The following CCDC149 variants were observed in gnomAD, a reference collection of about 807,000 sequenced individuals.
CCDC149 encodes the protein coiled-coil domain-containing protein 149.
In CCDC149, 45 loss-of-function variants were observed where a neutral mutation model predicts 59.9. That is an observed-to-expected ratio of 0.75 (90% CI 0.59 to 0.96). The LOEUF (loss-of-function observed/expected upper bound fraction) is 0.96, where lower values mean the gene tolerates loss of function less well. CCDC149 is among the 40% of genes least tolerant of loss of function. The pLI is 0.00. For synonymous variants in CCDC149, 245 were observed against 260.6 expected, an observed-to-expected ratio of 0.94 and a Z score of 0.58; for missense variants, 584 against 664.7, an observed-to-expected ratio of 0.88 and a Z score of 1.33.
At chr4:24,876,762 C>A in intron 1 of CCDC149, 65 bp from the exon 2 acceptor site, 1 of 1,465,506 alleles carries the variant, frequency 6.8e-7, no homozygotes, top group South Asian at 1.3e-5. Flanking sequence ...AAACACACAC[C>A]GTACTTCACA....
At chr4:24,833,738 T>A (rs1167479590) in intron 8 of CCDC149, among the ~76,000 whole-genome samples, 1 of 152,258 alleles carries the variant, frequency 6.6e-6, no homozygotes, top group Non-Finnish European at 1.5e-5. Context: ...TTATAAGTAA[T>A]GTATGAAGAA....
intron 1 of CCDC149, among the ~76,000 whole-genome samples, chr4:24,899,463 G>A (rs1448226303): frequency 6.6e-6 from 1 of 152,172 alleles, no homozygotes; most frequent in Non-Finnish European, 1.5e-5. Context: ...AAAAGAAGAG[G>A]AGAGTATCAG....
intron 4 of CCDC149, among the ~76,000 whole-genome samples, chr4:24,848,819 C>A (rs371892593): frequency 1.3e-5 from 2 of 152,184 alleles, no homozygotes; most frequent in Non-Finnish European, 2.9e-5. Flanking sequence ...TGCTGCCGCA[C>A]CTCAAACTAC....
At chr4:24,899,798 G>A (rs1015970195) in intron 1 of CCDC149, among the ~76,000 whole-genome samples, 1 of 152,044 alleles carries the variant, frequency 6.6e-6, no homozygotes, top group African/African-American at 2.4e-5. Context: ...TGCCATACTT[G>A]GGTACTTGGG....
intron 1 of CCDC149, among the ~76,000 whole-genome samples, chr4:24,956,197 G>C (rs1018064359): frequency 7.3e-6 from 1 of 136,962 alleles, no homozygotes; most frequent in Non-Finnish European, 1.6e-5. Flanking sequence ...CAAAGTTCTT[G>C]TGAGATGACA....
Position 24,808,450 on chromosome 4 carries a change from G to T in CCDC149, c.1562C>A (p.Thr521Lys). The T allele has an allele frequency of 1.4e-6, 2 of 1,465,506 alleles. No homozygotes were observed. Among genetic ancestry groups the T allele is most frequent in the Non-Finnish European group, 1.8e-6 (2 of 1,108,302 alleles). The allele number at this position is 1,465,506 out of a possible 1,614,324, so 90.8% of individuals were successfully genotyped here. Residue 521 changes from threonine (T) to lysine (K), a missense_variant, in exon 13 of 13, where the codon ACA becomes AAA. By Grantham distance (78) the Thr-to-Lys change is moderately conservative (BLOSUM62 -1). Coordinates refer to ENST00000635206, the MANE Select transcript of CCDC149 (RefSeq NM_001330643.2). The stretch of plus-strand genomic sequence containing the variant: ...TGGGATCCCTTTGCCGTCTTCCGGT[G>T]TGGAAGCTTTGGCTGCTGGCCGGCT...
At position 24,854,432 on chromosome 4, in the gene CCDC149, G is replaced by A. The variant is rs553240882; in HGVS notation, c.265-1253C>T. On this transcript the variant is annotated intron_variant, in intron 3 of 12. Transcript: ENST00000635206. ...GCTCATAATGAATAAATGAAGAAAG[G>A]AGGGAAGGAAGCAAGTAAGCAATCC... Among the ~76,000 whole-genome samples, 3 of 152,296 alleles carry A rather than the reference G, an allele frequency of 2.0e-5. No individual in the cohort carries two copies. The South Asian group carries it at 6.2e-4, about 32-fold the overall frequency.
intron 1 of CCDC149, among the ~76,000 whole-genome samples, chr4:24,965,749 A>G (rs1723776450): frequency 6.6e-6 from 1 of 152,230 alleles, no homozygotes; most frequent in Non-Finnish European, 1.5e-5. Context: ...AGGGCCAATT[A>G]ACTGAAAGTA....
intron 12 of CCDC149, 115 bp downstream of exon 12, chr4:24,819,744 C>A (rs1715242990): frequency 1.3e-6 from 1 of 790,198 alleles, no homozygotes; most frequent in East Asian, 2.7e-5. Flanking sequence ...AGGAATGTCC[C>A]AATGATGCCA....
intron 1 of CCDC149, among the ~76,000 whole-genome samples, chr4:24,906,124 A>T (rs1204733764): frequency 6.6e-6 from 1 of 152,192 alleles, no homozygotes; most frequent in Non-Finnish European, 1.5e-5. Flanking sequence ...CAAATGTCTT[A>T]CCTTATTTAA....
At chr4:24,844,674 G>T (rs1304640316) in intron 4 of CCDC149, among the ~76,000 whole-genome samples, 8 of 152,190 alleles carry the variant, frequency 5.3e-5, no homozygotes, top group Admixed American at 5.2e-4. Flanking sequence ...GCAGGAGGCT[G>T]AGGCAGTTGA....
intron 8 of CCDC149, among the ~76,000 whole-genome samples, chr4:24,833,472 A>G (rs1177612471): frequency 3.3e-5 from 5 of 152,134 alleles, no homozygotes; most frequent in Admixed American, 6.6e-5. Flanking sequence ...AACAACACAA[A>G]AATTAGCTGG....
chr4:24,854,969 G>A (rs150196975), intron 3 of CCDC149, among the ~76,000 whole-genome samples: 111 of 152,188 alleles, frequency 7.3e-4, no homozygotes, highest in South Asian at 1.2e-3. Context: ...AACCTTCCCC[G>A]GTGCTACCTT....
chr4:24,890,360 G>GA (rs147729127), intron 1 of CCDC149, among the ~76,000 whole-genome samples: 3 of 151,010 alleles, frequency 2.0e-5, no homozygotes, highest in South Asian at 4.2e-4. Context: ...GAGTTTTTTG[G>GA]AAAAAAAAAT....
rs981768324 is a variant in CCDC149 at position 24,873,711 on chromosome 4, A to G, written c.234T>C (p.Asp78=). 1.2e-6 allele frequency: 2 copies of G among 1,609,382 alleles called. No individual in the cohort carries two copies. The highest frequency in any genetic ancestry group is 1.7e-6 in the Non-Finnish European group (2 of 1,176,400). The change falls in exon 3 of 13, where the codon GAT becomes GAC. Residue 78 remains aspartate (D), a synonymous_variant. Transcript: ENST00000635206. The stretch of plus-strand genomic sequence containing the variant: ...TCCTTTTTTCAGGAGGAAGTGATGG[A>G]TCTCCATCCTACAAAGAAACAAATG...
upstream of CCDC149, among the ~76,000 whole-genome samples, chr4:24,916,470 A>G (rs1157963558): frequency 6.6e-6 from 1 of 152,196 alleles, no homozygotes; most frequent in Non-Finnish European, 1.5e-5. Flanking sequence ...TATGGGTTCT[A>G]TACTTACTTG....
intron 1 of CCDC149, among the ~76,000 whole-genome samples, chr4:24,978,091 C>T (rs997957529): frequency 6.6e-5 from 10 of 152,128 alleles, no homozygotes; most frequent in Admixed American, 6.5e-4. Context: ...ATATTTGCAC[C>T]ACTAACTCCA....
intron 4 of CCDC149, among the ~76,000 whole-genome samples, chr4:24,842,669 T>C (rs969853305): frequency 1.3e-5 from 2 of 152,186 alleles, no homozygotes; most frequent in Non-Finnish European, 2.9e-5. Flanking sequence ...CTGAGGGACA[T>C]GGCTGCAAAA....
intron 3 of CCDC149, among the ~76,000 whole-genome samples, 184 bp downstream of exon 3, chr4:24,873,497 T>G (rs1255617356): frequency 6.6e-6 from 1 of 152,216 alleles, no homozygotes; most frequent in African/African-American, 2.4e-5. Flanking sequence ...CCAACCAGAC[T>G]TCACTGGGTT....
Sources: gnomAD v4.1 joint callset for allele counts (sites outside exome capture counted in the v4.1 genomes callset) on GRCh38, gnomAD v4.1.1 for gene constraint, MANE v1.5 for transcripts, NCBI Gene and HGNC (gene_info 2026-07-23, HGNC 2026-07-21) for gene names.